Variants in DCLK3 observed in about 807,000 individuals in gnomAD.
DCLK3 encodes doublecortin like kinase 3, also known as serine/threonine-protein kinase DCLK3.
DCLK3 carries 30 observed loss-of-function variants against 46.4 expected under a neutral mutation model. The ratio of observed to expected loss-of-function variants is 0.65; its 90% CI spans 0.48 to 0.88. DCLK3 has a LOEUF of 0.88. Ranked by LOEUF, DCLK3 falls within the 40% of genes least tolerant of loss-of-function variation. DCLK3 has a pLI of 0.00. For missense variants in DCLK3, 846 were observed against 907.1 expected (o/e 0.93, Z 0.87); for synonymous variants, 401 against 339.2 (o/e 1.18, Z -2.00).
chr3:36,715,953 T>A (rs1182042833), intron 4 of DCLK3, among the ~76,000 whole-genome samples: 1 of 152,146 alleles, frequency 6.6e-6, no homozygotes, highest in Non-Finnish European at 1.5e-5. Context: ...ATGCTATACA[T>A]CTACATACTT....
intron 2 of DCLK3, among the ~76,000 whole-genome samples, chr3:36,726,162 G>A (rs974450572): frequency 1.1e-4 from 16 of 152,042 alleles, no homozygotes; most frequent in Non-Finnish European, 2.4e-4. Context: ...AAGATGCATC[G>A]GTGCCGCCTG....
chr3:36,724,295 G>A (rs1453969641), intron 2 of DCLK3, among the ~76,000 whole-genome samples: 1 of 152,196 alleles, frequency 6.6e-6, no homozygotes, highest in Non-Finnish European at 1.5e-5. Flanking sequence ...GCTCACAGGA[G>A]GAAGGGACTT....
At chr3:36,760,606 C>T (rs1050117785) in intron 1 of DCLK3, among the ~76,000 whole-genome samples, 1 of 151,416 alleles carries the variant, frequency 6.6e-6, no homozygotes, top group Non-Finnish European at 1.5e-5. Context: ...TGCACATGTA[C>T]CCTAAAACTT....
At chr3:36,716,681 G>A (rs1043989947) in intron 4 of DCLK3, among the ~76,000 whole-genome samples, 1 of 152,242 alleles carries the variant, frequency 6.6e-6, no homozygotes, top group Admixed American at 6.5e-5. Flanking sequence ...AACCTTGGAT[G>A]TGGGCTTGGG....
chr3:36,751,962 C>T (rs1199987581), intron 1 of DCLK3, among the ~76,000 whole-genome samples: 1 of 152,208 alleles, frequency 6.6e-6, no homozygotes, highest in Admixed American at 6.5e-5. Context: ...CCAAATTTAT[C>T]TAAAGCTACA....
chr3:36,721,494 C>T, intron 3 of DCLK3, 33 bp downstream of exon 3: 1 of 1,606,890 alleles, frequency 6.2e-7, no homozygotes, highest in Non-Finnish European at 8.5e-7. Flanking sequence ...AGTAAGGGAA[C>T]TAGAGTCCCA....
Position 36,714,600 on chromosome 3 carries a change from A to T in DCLK3, c.*728T>A, listed in dbSNP as rs571258023. ...AACACGGTCACAGCCTGAGCGCCTG[A>T]CTTCACATAGAAATGACTCAGGCTC... On this transcript the variant is annotated 3_prime_UTR_variant, in exon 5 of 5. Transcript: ENST00000636136. 1 of 152,308 alleles carries T rather than the reference A, an allele frequency of 6.6e-6. No homozygotes were observed. The highest frequency in any genetic ancestry group is 1.5e-5 in the Non-Finnish European group (1 of 68,036). The allele number at this position is 152,308 out of a possible 1,614,324, so 9.4% of individuals were successfully genotyped here.
At position 36,712,881 on chromosome 3, in the gene DCLK3, A is replaced by G. The variant is rs1210756735; in HGVS notation, c.*2447T>C. The G allele has an allele frequency of 1.3e-5, 2 of 152,210 alleles. No individual in the cohort carries two copies. The highest frequency in any genetic ancestry group is 2.4e-5 in the African/African-American group (1 of 41,448). 9.4% of individuals were successfully genotyped at this position (152,210 alleles called of 1,614,324 possible). A position where few individuals can be genotyped will look rare whatever the true frequency, so the allele number is the denominator to read the frequency against. ...TGTTTCCACTTTGGGGCTACTACAA[A>G]TAAAGCACCTATAAATATTGTGAAG... On this transcript the variant is annotated 3_prime_UTR_variant, in exon 5 of 5. Transcript: ENST00000636136.
chr3:36,751,749 A>C (rs1245132693), intron 1 of DCLK3, among the ~76,000 whole-genome samples: 1 of 152,234 alleles, frequency 6.6e-6, no homozygotes, highest in Non-Finnish European at 1.5e-5. Flanking sequence ...AGTCTACTAA[A>C]TAAATGGGCC....
chr3:36,745,550 C>T (rs1029462369), intron 1 of DCLK3, among the ~76,000 whole-genome samples: 1 of 152,202 alleles, frequency 6.6e-6, no homozygotes, highest in Non-Finnish European at 1.5e-5. Context: ...TATTAACCCC[C>T]TCCTCCTAGC....
chr3:36,762,993 A>G (rs1559396415), intron 1 of DCLK3, among the ~76,000 whole-genome samples: 1 of 151,660 alleles, frequency 6.6e-6, no homozygotes, highest in Non-Finnish European at 1.5e-5. Context: ...TATCCTAAGG[A>G]TAAGCACAAT....
chr3:36,764,213 T>C lies in DCLK3; in HGVS notation c.51A>G (p.Pro17=), dbSNP rs7650714. 51,174 of 325,270 alleles carry C rather than the reference T, an allele frequency of 0.16. 4,280 individuals carry two copies. The highest frequency in any genetic ancestry group is 0.21 in the South Asian group (1,495 of 7,142). The allele number at this position is 325,270 out of a possible 1,614,324, so 20.1% of individuals were successfully genotyped here. A position where few individuals can be genotyped will look rare whatever the true frequency, so the allele number is the denominator to read the frequency against. Reference sequence around the variant, plus strand: ...CAGGCCGCGCCGGGCAGGCTGGGGCTGGCCGGGCCGGGGGCGGCGGCGGCT... The same window carrying C: ...CAGGCCGCGCCGGGCAGGCTGGGGCCGGCCGGGCCGGGGGCGGCGGCGGCT... ...APQPPPPPAR[P]APACPARPAP... is the part of the protein sequence containing the mutation. Residue 17 remains proline, a synonymous_variant, in exon 1 of 5, where the codon CCA becomes CCG. Coordinates refer to ENST00000636136, the MANE Select transcript of DCLK3 (RefSeq NM_001394672.2). This position sits in a 1 kb window ranked among gnomAD's most constrained non-coding sequence, Gnocchi z 4.9.
chr3:36,727,832 C>T (rs1026584938), intron 2 of DCLK3, among the ~76,000 whole-genome samples: 1 of 152,320 alleles, frequency 6.6e-6, no homozygotes, highest in African/African-American at 2.4e-5. Context: ...CATTTAAGGT[C>T]GCACACTGTC....
Position 36,764,119 on chromosome 3 carries a change from G to A in DCLK3, c.82+63C>T. 1 of 320,544 alleles carries A rather than the reference G, an allele frequency of 3.1e-6. No homozygotes were observed. Among genetic ancestry groups the A allele is most frequent in the Non-Finnish European group, 5.7e-6 (1 of 174,922 alleles). 19.9% of individuals were successfully genotyped at this position (320,544 alleles called of 1,614,324 possible). ...CGGGGTCCAGAGTTAGGGCGAATGA[G>A]TCCTCCCGCCCCCGCCAAGGTGGCG... is the stretch of plus-strand genomic sequence containing the variant. On this transcript the variant is annotated intron_variant, in intron 1 of 4. Coordinates refer to ENST00000636136, the MANE Select transcript of DCLK3 (RefSeq NM_001394672.2). This position sits in a 1 kb window ranked among gnomAD's most constrained non-coding sequence, Gnocchi z 4.9.
intron 2 of DCLK3, among the ~76,000 whole-genome samples, chr3:36,736,678 C>A (rs753571815): frequency 4.6e-5 from 7 of 152,318 alleles, no homozygotes; most frequent in Middle Eastern, 6.8e-3. Context: ...TATCTAAGAG[C>A]AAGCAACTAA....
intron 2 of DCLK3, among the ~76,000 whole-genome samples, chr3:36,724,416 A>G (rs1701100128): frequency 6.6e-6 from 1 of 152,206 alleles, no homozygotes; most frequent in South Asian, 2.1e-4. Flanking sequence ...ATGTGAGGAC[A>G]TGAGATTTGG....
intron 1 of DCLK3, among the ~76,000 whole-genome samples, chr3:36,743,273 CAA>C (rs11391557): frequency 5.9e-5 from 7 of 117,906 alleles, no homozygotes; most frequent in Admixed American, 1.8e-4. Context: ...TCCCAAAATC[CAA>C]AAAAAAAAAA....
In DCLK3 at chr3:36,737,696, C is replaced by G; in HGVS notation, c.1471G>C (p.Glu491Gln). The change falls in exon 2 of 5, where the codon GAA (glutamate) becomes CAA (glutamine). Residue 491 changes from glutamate (E) to glutamine (Q), a missense_variant. By Grantham distance (29) the Glu-to-Gln change is conservative. Around this residue, in one of 3 missense-constraint regions of DCLK3, gnomAD observed 553 missense variants for 543.0 expected, o/e 1.02. Coordinates refer to ENST00000636136, the MANE Select transcript of DCLK3 (RefSeq NM_001394672.2). This position sits in a 1 kb window ranked among gnomAD's most constrained non-coding sequence, Gnocchi z 4.4. ...TCTGGCCTCGTCTTGGGCTCCTTTTCTAGCTTTGCAGGTTGGTCATCTCTG... is the reference window on the plus strand; with the variant it reads ...TCTGGCCTCGTCTTGGGCTCCTTTTGTAGCTTTGCAGGTTGGTCATCTCTG... The part of the protein sequence containing the change: ...TLRDDQPAKL[E>Q]KEPKTRPEEN... 6.2e-7 allele frequency: 1 copy of G among 1,613,806 alleles called. No individual in the cohort carries two copies. The highest frequency in any genetic ancestry group is 8.5e-7 in the Non-Finnish European group (1 of 1,179,936).
chr3:36,749,556 A>G (rs9854423), intron 1 of DCLK3, among the ~76,000 whole-genome samples: 87,218 of 152,088 alleles, frequency 0.57, 25,965 homozygotes, highest in East Asian at 0.77. Flanking sequence ...TTTGGCTTCA[A>G]TGGATCTTAG....
Sources: allele counts gnomAD v4.1 joint callset (sites outside exome capture counted in the v4.1 genomes callset), GRCh38; gene constraint gnomAD v4.1.1; regional missense constraint gnomAD v4.1.1; non-coding constraint Gnocchi (gnomAD v3.1); transcripts MANE v1.5; gene names NCBI Gene and HGNC (gene_info 2026-07-23, HGNC 2026-07-21).